SLC39A11: variants seen among roughly 807,000 people sequenced by gnomAD.
SLC39A11 encodes the protein solute carrier family 39 member 11.
In SLC39A11, 33 loss-of-function variants were observed where a neutral mutation model predicts 36.1. That is an observed-to-expected ratio of 0.91 (90% CI 0.69 to 1.22). SLC39A11 has a LOEUF of 1.22. SLC39A11 is among the 50% of genes most tolerant of loss of function. The pLI, the probability that SLC39A11 is intolerant of heterozygous loss-of-function variation, is 0.00. For synonymous variants in SLC39A11, 166 were observed against 170.3 expected (o/e 0.97, Z 0.20); for missense variants, 432 against 430.3 (o/e 1.00, Z -0.03).
At chr17:73,023,720 AC>A (rs1335627177) in intron 4 of SLC39A11, among the ~76,000 whole-genome samples, 1 of 152,158 alleles carries the variant, frequency 6.6e-6, no homozygotes. Context: ...CGATCTCCTG[AC>A]TGCGTGATCC....
chr17:72,883,413 T>C (rs925701841), intron 5 of SLC39A11, among the ~76,000 whole-genome samples: 12 of 151,894 alleles, frequency 7.9e-5, no homozygotes, highest in Admixed American at 6.5e-4. Flanking sequence ...GCGCCATCTT[T>C]ATGACTGAAC....
chr17:73,058,270 T>A (rs1416314144), intron 3 of SLC39A11, among the ~76,000 whole-genome samples: 3 of 152,132 alleles, frequency 2.0e-5, no homozygotes, highest in African/African-American at 7.2e-5. Context: ...CAATAATGAG[T>A]AATCGAAGTG....
intron 5 of SLC39A11, among the ~76,000 whole-genome samples, chr17:72,925,207 A>C (rs577658629): frequency 3.3e-5 from 5 of 152,144 alleles, no homozygotes; most frequent in Non-Finnish European, 7.4e-5. Flanking sequence ...GGACATGTGG[A>C]CCAGGTCACT....
At chr17:72,942,116 G>C (rs996893457) in intron 5 of SLC39A11, among the ~76,000 whole-genome samples, 3 of 151,022 alleles carry the variant, frequency 2.0e-5, no homozygotes, top group African/African-American at 7.3e-5. Flanking sequence ...GGCTGGTCTC[G>C]AACTCCTGAC....
intron 4 of SLC39A11, among the ~76,000 whole-genome samples, chr17:72,988,601 T>A (rs1474276973): frequency 2.0e-5 from 3 of 152,160 alleles, no homozygotes; most frequent in Non-Finnish European, 4.4e-5. Context: ...AATCTGAAAC[T>A]CGGTACCTTT....
At chr17:72,954,174 T>C (rs920482789) in intron 4 of SLC39A11, among the ~76,000 whole-genome samples, 13 of 152,286 alleles carry the variant, frequency 8.5e-5, no homozygotes, top group African/African-American at 2.9e-4. Flanking sequence ...AGCTTCCCAG[T>C]AGCTGGGATT....
chr17:72,694,190 C>T (rs922843361), intron 7 of SLC39A11, among the ~76,000 whole-genome samples: 3 of 152,124 alleles, frequency 2.0e-5, no homozygotes, highest in African/African-American at 7.2e-5. Flanking sequence ...AGCCCTCTCT[C>T]ATGCTGGCTC....
At chr17:73,045,884 T>C (rs957993093) in intron 3 of SLC39A11, among the ~76,000 whole-genome samples, 5 of 152,168 alleles carry the variant, frequency 3.3e-5, no homozygotes, top group Admixed American at 2.6e-4. Flanking sequence ...CCAAGCTGCC[T>C]CCCGTGGCAC....
chr17:72,708,958 C>T (rs1487977679), intron 7 of SLC39A11, among the ~76,000 whole-genome samples: 17 of 147,484 alleles, frequency 1.2e-4, no homozygotes, highest in East Asian at 9.9e-4. Context: ...TTTTTTGAGA[C>T]GGAGTCTCGC....
chr17:72,895,815 CA>C (rs1313066173), intron 5 of SLC39A11, among the ~76,000 whole-genome samples: 3 of 152,100 alleles, frequency 2.0e-5, no homozygotes, highest in Non-Finnish European at 4.4e-5. Context: ...TGAGAATGTT[CA>C]ATAAACTCCT....
intron 7 of SLC39A11, among the ~76,000 whole-genome samples, chr17:72,716,456 G>A (rs2073366469): frequency 6.6e-6 from 1 of 151,866 alleles, no homozygotes; most frequent in Non-Finnish European, 1.5e-5. Flanking sequence ...CTCCAATACG[G>A]GGGACAGCCC....
intron 6 of SLC39A11, among the ~76,000 whole-genome samples, chr17:72,758,659 C>G (rs1192246266): frequency 6.6e-6 from 1 of 152,186 alleles, no homozygotes; most frequent in East Asian, 1.9e-4. Context: ...CCATGAACTA[C>G]TGGGAAGGTC....
intron 3 of SLC39A11, among the ~76,000 whole-genome samples, chr17:73,034,490 G>A (rs2058840352): frequency 6.6e-6 from 1 of 152,304 alleles, no homozygotes; most frequent in Middle Eastern, 3.4e-3. Flanking sequence ...CCAAAGTGCT[G>A]GGATTAAAGG....
intron 4 of SLC39A11, among the ~76,000 whole-genome samples, chr17:72,949,799 AT>A (rs1028738454): frequency 6.6e-6 from 1 of 152,062 alleles, no homozygotes; most frequent in African/African-American, 2.4e-5. Context: ...ACAAGTTTTC[AT>A]TTAAAACATG....
chr17:72,915,923 C>G (rs1014896699), intron 5 of SLC39A11, among the ~76,000 whole-genome samples: 1 of 152,222 alleles, frequency 6.6e-6, no homozygotes, highest in Non-Finnish European at 1.5e-5. Flanking sequence ...ACCCACACAA[C>G]CATATGCCAA....
intron 3 of SLC39A11, among the ~76,000 whole-genome samples, chr17:73,057,090 A>G (rs2144106301): frequency 6.6e-6 from 1 of 152,236 alleles, no homozygotes; most frequent in African/African-American, 2.4e-5. Flanking sequence ...CCTCCTGAGT[A>G]CAGGCACCTG....
chr17:72,884,619 A>G (rs1401996496), intron 5 of SLC39A11, among the ~76,000 whole-genome samples: 1 of 152,224 alleles, frequency 6.6e-6, no homozygotes, highest in Non-Finnish European at 1.5e-5. Flanking sequence ...GGACCAGACT[A>G]TATTACTATG....
intron 5 of SLC39A11, among the ~76,000 whole-genome samples, chr17:72,889,518 C>G (rs991694483): frequency 2.8e-5 from 4 of 142,564 alleles, no homozygotes; most frequent in Admixed American, 7.1e-5. Flanking sequence ...GCCTGGGTGA[C>G]AGAGGGAGAC....
chr17:72,853,367 A>G (rs2079468921), intron 5 of SLC39A11, among the ~76,000 whole-genome samples: 1 of 151,994 alleles, frequency 6.6e-6, no homozygotes, highest in Admixed American at 6.6e-5. Context: ...CAGACAGAGA[A>G]GACACACACA....
Sources: allele counts gnomAD v4.1 joint callset (sites outside exome capture counted in the v4.1 genomes callset), GRCh38; gene constraint gnomAD v4.1.1; transcripts MANE v1.5; gene names NCBI Gene and HGNC (gene_info 2026-07-23, HGNC 2026-07-21).